Variants in GTF3C2 observed in about 807,000 individuals in gnomAD.
The protein encoded by GTF3C2 is general transcription factor IIIC subunit 2, also known as general transcription factor 3C polypeptide 2.
In GTF3C2, 17 loss-of-function variants were observed where a neutral mutation model predicts 117.4. The observed-to-expected ratio is 0.14, with a 90% confidence interval of 0.10 to 0.22. The LOEUF (loss-of-function observed/expected upper bound fraction) is 0.22. Among genes scored for constraint, GTF3C2 ranks in the 10% least tolerant of loss-of-function variants. The pLI, the probability that GTF3C2 is intolerant of heterozygous loss-of-function variation, is 1.00. For synonymous variants in GTF3C2, 437 were observed against 427.0 expected (o/e 1.02, Z -0.29); for missense variants, 888 against 1,143.6 (o/e 0.78, Z 3.22).
chr2:27,337,656 G>T lies in GTF3C2; in HGVS notation c.951-98C>A, dbSNP rs376711809. 8.1e-5 allele frequency: 71 copies of T among 874,842 alleles called. 2 individuals are homozygous for T. In the African/African-American group the frequency reaches 1.1e-3, roughly 13 times the overall value. 54.2% of individuals were successfully genotyped at this position (874,842 alleles called of 1,614,324 possible). A position where few individuals can be genotyped will look rare whatever the true frequency, so the allele number is the denominator to read the frequency against. Reference sequence around the variant, plus strand: ...GGGATGGAAATGATCCATTATCTGTGCTCCCCAATATGCCAGTTGCTAGCT... The same window carrying T: ...GGGATGGAAATGATCCATTATCTGTTCTCCCCAATATGCCAGTTGCTAGCT... On this transcript the variant is annotated intron_variant, in intron 5 of 18. Coordinates refer to ENST00000264720, the Ensembl canonical transcript of GTF3C2.
intron 12 of GTF3C2, among the ~76,000 whole-genome samples, chr2:27,333,254 G>C (rs1203419228): frequency 6.8e-6 from 1 of 147,286 alleles, no homozygotes; most frequent in Non-Finnish European, 1.5e-5. Context: ...TATGCTTCCT[G>C]GGTTCTCAGG....
chr2:27,354,380 TC>T (rs1681251338), intron 1 of GTF3C2, among the ~76,000 whole-genome samples: 1 of 152,124 alleles, frequency 6.6e-6, no homozygotes, highest in South Asian at 2.1e-4. Context: ...CCTTCAAGCT[TC>T]AAGCATTTAG....
At chr2:27,337,429 G>A (rs960970570) in intron 6 of GTF3C2, 52 bp downstream of exon 6, 18 of 1,459,072 alleles carry the variant, frequency 1.2e-5, no homozygotes, top group Admixed American at 5.0e-5. Flanking sequence ...TCACCCTTTC[G>A]TCTCCAGTGG....
exon 10 of GTF3C2, chr2:27,335,623 C>T (rs903746031): frequency 3.9e-6 from 6 of 1,553,898 alleles, no homozygotes; most frequent in South Asian, 1.2e-5. Context: ...CCAGCAGGGC[C>T]TCCGGATGGG....
At chr2:27,338,044 A>T (rs757559214) in intron 4 of GTF3C2, 24 bp from the exon 5 acceptor site, 1 of 1,425,646 alleles carries the variant, frequency 7.0e-7, no homozygotes, top group Non-Finnish European at 9.9e-7. Context: ...TGAAGAAAAT[A>T]TAAGGGAGCA....
chr2:27,343,237 A>G (rs1279753712), intron 2 of GTF3C2, 71 bp downstream of exon 2: 49 of 1,550,338 alleles, frequency 3.2e-5, no homozygotes, highest in African/African-American at 4.1e-5. Context: ...GTAAGATCCT[A>G]TGAGCTCAAT....
In GTF3C2 at chr2:27,329,327, T is replaced by G; in HGVS notation, c.1878-45A>C. ...GGTCAAATCCAAACAAATCCGGAAG[T>G]CAGCCTGTCCCAGTCTTCACCTTCC... On this transcript the variant is annotated intron_variant, in intron 13 of 18. Transcript: ENST00000264720. This position sits in a 1 kb window ranked among gnomAD's most constrained non-coding sequence, Gnocchi z 4.5. 3 of 1,613,912 alleles carry G rather than the reference T, an allele frequency of 1.9e-6. No individual in the cohort carries two copies. The highest frequency in any genetic ancestry group is 2.5e-6 in the Non-Finnish European group (3 of 1,179,798).
chr2:27,337,467 T>C lies in GTF3C2; in HGVS notation c.1028+14A>G, dbSNP rs1680530599. On this transcript the variant is annotated intron_variant, in intron 6 of 18. Transcript: ENST00000264720. Reference sequence around the variant, plus strand: ...TCACCCTTCCTAAGCTACAGAGATGTTGCTTCAACTTACAGCTCAGATAAC... The same window carrying C: ...TCACCCTTCCTAAGCTACAGAGATGCTGCTTCAACTTACAGCTCAGATAAC... 3 of 1,588,418 alleles carry C rather than the reference T, an allele frequency of 1.9e-6. No individual in the cohort carries two copies. The African/African-American group carries it at 4.0e-5, about 21-fold the overall frequency.
At chr2:27,328,901 G>C (rs1804410) in exon 15 of GTF3C2, 1 of 1,611,400 alleles carries the variant, frequency 6.2e-7, no homozygotes, top group Admixed American at 1.7e-5. Context: ...GGTAACCAGC[G>C]TCAATATAAT....
Position 27,328,112 on chromosome 2 carries a change from G to C in GTF3C2, c.2334C>G (p.Val778=), listed in dbSNP as rs762171428. 2.5e-6 allele frequency: 4 copies of C among 1,608,818 alleles called. No individual in the cohort carries two copies. The African/African-American group carries it at 5.4e-5, about 22-fold the overall frequency. The change falls in exon 17 of 19, where the codon GTC becomes GTG. Residue 778 remains valine (V), a synonymous_variant. Transcript: ENST00000264720. ...AAGTTCGAGCCTTAGGAGGGTTGGG[G>C]ACCCCAGATGAAGCAGAAGAATGGT...
intron 1 of GTF3C2, among the ~76,000 whole-genome samples, chr2:27,355,131 T>C (rs992292408): frequency 6.6e-6 from 1 of 152,230 alleles, no homozygotes; most frequent in African/African-American, 2.4e-5. Flanking sequence ...GTGAAAGAAT[T>C]CTTCCCCACT....
chr2:27,341,453 C>T (rs955691502), intron 4 of GTF3C2: 1 of 157,532 alleles, frequency 6.3e-6, no homozygotes, highest in African/African-American at 2.4e-5. Context: ...TATGTCCTTT[C>T]ATATTCTCCA....
chr2:27,356,102 A>G, intron 1 of GTF3C2: 1 of 1,289,396 alleles, frequency 7.8e-7, no homozygotes, highest in African/African-American at 1.5e-5. Flanking sequence ...ACATCCCTCC[A>G]ACAAAGTGAG....
At chr2:27,337,202 G>T in intron 7 of GTF3C2, 42 bp downstream of exon 7, 2 of 1,162,068 alleles carry the variant, frequency 1.7e-6, no homozygotes, top group Non-Finnish European at 2.5e-6. Context: ...TCTTGTTTCT[G>T]GCTCCTAGAA....
chr2:27,354,230 C>T (rs1458618259), intron 1 of GTF3C2, among the ~76,000 whole-genome samples: 1 of 151,996 alleles, frequency 6.6e-6, no homozygotes, highest in Non-Finnish European at 1.5e-5. Context: ...TTACAGTGAG[C>T]TGTGATCATG....
chr2:27,353,954 G>C (rs1163191608), intron 1 of GTF3C2, among the ~76,000 whole-genome samples: 1 of 151,014 alleles, frequency 6.6e-6, no homozygotes, highest in Admixed American at 6.6e-5. Context: ...AAATTCCTGG[G>C]CTCAAGTGAT....
intron 15 of GTF3C2, 57 bp from the exon 16 acceptor site, chr2:27,328,653 G>GT: frequency 9.9e-6 from 14 of 1,416,822 alleles, no homozygotes; most frequent in Non-Finnish European, 1.4e-5. Flanking sequence ...CTATGAACTG[G>GT]TAACAGCTGC....
At chr2:27,350,286 C>T (rs952931408) in intron 1 of GTF3C2, 2 of 386,790 alleles carry the variant, frequency 5.2e-6, no homozygotes, top group Non-Finnish European at 7.1e-6. Context: ...TGTTAAAATG[C>T]AAATTCCTAG....
rs1250228878 is a variant in GTF3C2 at position 27,332,439 on chromosome 2, G to C, written c.1732+1216C>G. On this transcript the variant is annotated intron_variant, in intron 12 of 18. Transcript: ENST00000264720. ...TATTTTTAGTTTTTTTTTTGAGACA[G>C]AGTCTCGCTCTGTCCTCCAGGCTAG... Among the ~76,000 whole-genome samples the C allele has an allele frequency of 2.0e-5, 3 of 151,282 alleles. No homozygotes were observed. In the South Asian group the frequency reaches 6.2e-4, roughly 31 times the overall value.
Sources: gnomAD v4.1 joint callset for allele counts (sites outside exome capture counted in the v4.1 genomes callset) on GRCh38, gnomAD v4.1.1 for gene constraint, Gnocchi (gnomAD v3.1) non-coding constraint, MANE v1.5 for transcripts, NCBI Gene and HGNC (gene_info 2026-07-23, HGNC 2026-07-21) for gene names.